The following CAMK2D variants were observed in gnomAD, a reference collection of about 807,000 sequenced individuals.
CAMK2D encodes the protein calcium/calmodulin dependent protein kinase II delta, also known as calcium/calmodulin-dependent protein kinase type II subunit delta.
CAMK2D carries 37 observed loss-of-function variants against 84.0 expected under a neutral mutation model. The ratio of observed to expected loss-of-function variants is 0.44; its 90% CI spans 0.34 to 0.58. CAMK2D has a LOEUF of 0.58. Among genes scored for constraint, CAMK2D ranks in the 20% least tolerant of loss-of-function variants. The pLI is 0.02. For synonymous variants in CAMK2D, 202 were observed against 212.5 expected (o/e 0.95, Z 0.43); for missense variants, 448 against 652.5 (o/e 0.69, Z 3.41).
intron 2 of CAMK2D, among the ~76,000 whole-genome samples, chr4:113,674,977 G>C (rs1040404745): frequency 6.6e-6 from 1 of 152,184 alleles, no homozygotes; most frequent in African/African-American, 2.4e-5. Flanking sequence ...CCTCTGAAGA[G>C]AGCATCATGC....
chr4:113,509,887 T>TAA (rs911927239), intron 12 of CAMK2D, among the ~76,000 whole-genome samples: 16 of 152,234 alleles, frequency 1.1e-4, no homozygotes, highest in African/African-American at 3.9e-4. Context: ...AATTTAGAAC[T>TAA]AAAGAGTAGT....
chr4:113,588,700 G>A (rs2098845080), intron 4 of CAMK2D, among the ~76,000 whole-genome samples: 1 of 152,118 alleles, frequency 6.6e-6, no homozygotes, highest in Non-Finnish European at 1.5e-5. Context: ...ATTCTTCCCA[G>A]AAGTTTTCTC....
At chr4:113,682,582 G>A (rs1011682240) in intron 2 of CAMK2D, among the ~76,000 whole-genome samples, 7 of 151,860 alleles carry the variant, frequency 4.6e-5, no homozygotes, top group African/African-American at 1.7e-4. Context: ...ATTATGAGTA[G>A]GCCATTTCTT....
intron 2 of CAMK2D, among the ~76,000 whole-genome samples, chr4:113,727,448 G>A (rs2099549527): frequency 6.6e-6 from 1 of 151,982 alleles, no homozygotes; most frequent in South Asian, 2.1e-4. Flanking sequence ...AGGGAATAAT[G>A]ATGTTGGAAC....
At chr4:113,617,394 C>T (rs75216405) in intron 3 of CAMK2D, among the ~76,000 whole-genome samples, 3,520 of 150,966 alleles carry the variant, frequency 0.023, 145 homozygotes, top group African/African-American at 0.079. Context: ...ACCAGGGCAG[C>T]GGAGGTTGTG....
chr4:113,460,915 C>A (rs2097365531), intron 17 of CAMK2D, among the ~76,000 whole-genome samples: 1 of 152,084 alleles, frequency 6.6e-6, no homozygotes, highest in Admixed American at 6.6e-5. Context: ...TCGTCTCGGA[C>A]TCTAGGCACA....
At chr4:113,741,483 T>C (rs757200476) in intron 2 of CAMK2D, among the ~76,000 whole-genome samples, 4 of 152,166 alleles carry the variant, frequency 2.6e-5, no homozygotes, top group Non-Finnish European at 5.9e-5. Flanking sequence ...ATCATATTTA[T>C]GTATGTATAG....
chr4:113,512,720 G>A (rs1457491735), intron 12 of CAMK2D, among the ~76,000 whole-genome samples: 8 of 152,178 alleles, frequency 5.3e-5, no homozygotes, highest in Non-Finnish European at 7.4e-5. Flanking sequence ...CAACAGGCAC[G>A]CGCCACCACA....
chr4:113,499,953 T>C (rs2098009404), intron 16 of CAMK2D, among the ~76,000 whole-genome samples: 1 of 152,102 alleles, frequency 6.6e-6, no homozygotes. Flanking sequence ...CCAAAGTGAA[T>C]GGAGGTCAAG....
chr4:113,752,089 T>C (rs2099618616), intron 2 of CAMK2D, among the ~76,000 whole-genome samples: 1 of 151,554 alleles, frequency 6.6e-6, no homozygotes, highest in African/African-American at 2.4e-5. Flanking sequence ...CTAAAAAAGT[T>C]AGGGATGGTG....
At chr4:113,571,830 T>A (rs2098754928) in intron 4 of CAMK2D, among the ~76,000 whole-genome samples, 1 of 152,216 alleles carries the variant, frequency 6.6e-6, no homozygotes, top group African/African-American at 2.4e-5. Flanking sequence ...TCTATCTGTA[T>A]TATATTCTTT....
At position 113,737,310 on chromosome 4, in the gene CAMK2D, T is replaced by C. The variant is rs1431220850; in HGVS notation, c.160+22010A>G. Among the ~76,000 whole-genome samples the C allele has an allele frequency of 2.6e-5, 4 of 152,128 alleles. No individual in the cohort carries two copies. The East Asian group carries it at 7.7e-4, about 29-fold the overall frequency. ...CATAAAATGAACTATTATTCATTCTTAAAAAGAAATAAAATTCTGACACAC... is the reference window on the plus strand; with the variant it reads ...CATAAAATGAACTATTATTCATTCTCAAAAAGAAATAAAATTCTGACACAC... On this transcript the variant is annotated intron_variant, in intron 2 of 20. Coordinates refer to ENST00000511664, the MANE Select transcript of CAMK2D (RefSeq NM_001321571.2).
At chr4:113,561,535 T>C (rs898327199) in intron 4 of CAMK2D, among the ~76,000 whole-genome samples, 6 of 152,190 alleles carry the variant, frequency 3.9e-5, no homozygotes, top group Non-Finnish European at 5.9e-5. Flanking sequence ...AACATTCTTT[T>C]TGGTATACTC....
chr4:113,529,651 T>G (rs2098445012), intron 8 of CAMK2D, among the ~76,000 whole-genome samples: 1 of 152,208 alleles, frequency 6.6e-6, no homozygotes, highest in Non-Finnish European at 1.5e-5. Context: ...ATAAAAACTG[T>G]GGGTGAAAAT....
chr4:113,659,085 T>C (rs571868363), intron 3 of CAMK2D, among the ~76,000 whole-genome samples: 92 of 152,188 alleles, frequency 6.0e-4, no homozygotes, highest in Non-Finnish European at 9.8e-4. Context: ...AGTGTCAAAA[T>C]GAAAAGAGTT....
chr4:113,619,649 T>C (rs1299214090), intron 3 of CAMK2D, among the ~76,000 whole-genome samples: 1 of 152,232 alleles, frequency 6.6e-6, no homozygotes, highest in Non-Finnish European at 1.5e-5. Context: ...GATATTCACA[T>C]GGCTCATGGC....
At chr4:113,518,711 A>C (rs2154171333) in intron 8 of CAMK2D, among the ~76,000 whole-genome samples, 1 of 152,260 alleles carries the variant, frequency 6.6e-6, no homozygotes, top group Admixed American at 6.5e-5. Flanking sequence ...GTGTACCCTG[A>C]GACTTATTTT....
intron 16 of CAMK2D, among the ~76,000 whole-genome samples, chr4:113,490,066 C>T (rs1218938162): frequency 1.4e-4 from 21 of 151,644 alleles, no homozygotes; most frequent in South Asian, 6.3e-4. Context: ...GAGAAGGTTG[C>T]GAAAATTTTC....
chr4:113,731,259 G>A (rs1382684594), intron 2 of CAMK2D, among the ~76,000 whole-genome samples: 2 of 152,116 alleles, frequency 1.3e-5, no homozygotes, highest in Admixed American at 6.6e-5. Context: ...GTCAATGACC[G>A]CAGGCCATTC....
Sources: allele counts gnomAD v4.1 joint callset (sites outside exome capture counted in the v4.1 genomes callset), GRCh38; gene constraint gnomAD v4.1.1; transcripts MANE v1.5; gene names NCBI Gene and HGNC (gene_info 2026-07-23, HGNC 2026-07-21).